The following CNTNAP2 variants were observed in gnomAD, a reference collection of about 807,000 sequenced individuals.
CNTNAP2 encodes contactin associated protein 2.
CNTNAP2 carries 98 observed loss-of-function variants against 155.2 expected under a neutral mutation model. That is an observed-to-expected ratio of 0.63 (90% confidence interval 0.54 to 0.75). CNTNAP2 has a LOEUF of 0.75. CNTNAP2 is among the 30% of genes least tolerant of loss of function. The pLI, the probability that CNTNAP2 is intolerant of heterozygous loss-of-function variation, is 0.00. For missense variants in CNTNAP2, 1,727 were observed against 1,688.1 expected, an observed-to-expected ratio of 1.02 and a Z score of -0.40; for synonymous variants, 651 against 631.2, an observed-to-expected ratio of 1.03 and a Z score of -0.47.
intron 1 of CNTNAP2, among the ~76,000 whole-genome samples, chr7:146,131,045 TC>T (rs545417770): frequency 9.1e-4 from 139 of 152,330 alleles, no homozygotes; most frequent in Non-Finnish European, 1.9e-3. Flanking sequence ...ACCATATCAA[TC>T]GCTGACTTTA....
chr7:146,411,451 C>T (rs888334341), intron 1 of CNTNAP2, among the ~76,000 whole-genome samples: 10 of 151,832 alleles, frequency 6.6e-5, no homozygotes, highest in African/African-American at 2.2e-4. Flanking sequence ...CCCCTGTGCC[C>T]GGCTAATAGA....
chr7:147,314,932 G>T (rs1479358431), intron 9 of CNTNAP2, among the ~76,000 whole-genome samples: 2 of 151,034 alleles, frequency 1.3e-5, no homozygotes, highest in East Asian at 3.9e-4. Flanking sequence ...AAGCAGACGG[G>T]TAATAACCAC....
intron 11 of CNTNAP2, among the ~76,000 whole-genome samples, chr7:147,513,156 T>C (rs1460345437): frequency 2.6e-5 from 4 of 152,176 alleles, no homozygotes; most frequent in African/African-American, 9.7e-5. Flanking sequence ...ATTATTTGTA[T>C]AATAAATGAT....
At chr7:146,991,693 G>T (rs1008182698) in intron 3 of CNTNAP2, among the ~76,000 whole-genome samples, 16 of 152,134 alleles carry the variant, frequency 1.1e-4, no homozygotes, top group African/African-American at 3.9e-4. Context: ...TAATGGTGAA[G>T]ATTATTCAAT....
chr7:146,698,961 C>T (rs1800830206), intron 1 of CNTNAP2, among the ~76,000 whole-genome samples: 1 of 152,034 alleles, frequency 6.6e-6, no homozygotes. Flanking sequence ...CTTTCTAGCA[C>T]TTCCTTTCAA....
chr7:147,484,916 A>G (rs895180834), intron 10 of CNTNAP2, among the ~76,000 whole-genome samples: 6 of 152,212 alleles, frequency 3.9e-5, no homozygotes, highest in Non-Finnish European at 8.8e-5. Context: ...GTCCTTTGTG[A>G]ATACTGGTAC....
chr7:146,236,910 GATTTTTC>G (rs1799483463), intron 1 of CNTNAP2, among the ~76,000 whole-genome samples: 1 of 152,136 alleles, frequency 6.6e-6, no homozygotes, highest in Non-Finnish European at 1.5e-5. Flanking sequence ...CAGAGGGTTA[GATTTTTC>G]ATGTTTCAGG....
chr7:148,244,866 G>A (rs1164080575), intron 20 of CNTNAP2, among the ~76,000 whole-genome samples: 1 of 146,594 alleles, frequency 6.8e-6, no homozygotes, highest in Non-Finnish European at 1.5e-5. Context: ...CCAGGCTGTT[G>A]CCTTTTTTTT....
intron 3 of CNTNAP2, among the ~76,000 whole-genome samples, chr7:146,991,990 T>C (rs1193258998): frequency 6.6e-6 from 1 of 152,158 alleles, no homozygotes; most frequent in African/African-American, 2.4e-5. Flanking sequence ...GCAAACACTA[T>C]TCATTTCAAG....
intron 20 of CNTNAP2, among the ~76,000 whole-genome samples, chr7:148,251,999 G>A (rs558732566): frequency 7.2e-5 from 11 of 152,258 alleles, no homozygotes; most frequent in African/African-American, 2.4e-4. Context: ...AGATAACCAA[G>A]CAAAGTTCTC....
In CNTNAP2 at chr7:147,652,726, G is replaced by A. The variant is rs1023780620; in HGVS notation, c.2098+13420G>A. On this transcript the variant is annotated intron_variant, in intron 13 of 23. Coordinates refer to ENST00000361727, the MANE Select transcript of CNTNAP2 (RefSeq NM_014141.6). ...TCAAGAAGTTAGAAAGGAAGGAAGG[G>A]GGGAAGAAAGGAAAGAGAAAGAAAG... Among the ~76,000 whole-genome samples the A allele has an allele frequency of 5.3e-5, 8 of 151,870 alleles. No homozygotes were observed. In the South Asian group the frequency reaches 8.3e-4, roughly 16 times the overall value.
At chr7:147,996,609 G>A (rs902518214) in intron 15 of CNTNAP2, among the ~76,000 whole-genome samples, 7 of 152,168 alleles carry the variant, frequency 4.6e-5, no homozygotes, top group African/African-American at 1.4e-4. Flanking sequence ...ACAAATGTCT[G>A]TAAAGAACTT....
intron 15 of CNTNAP2, among the ~76,000 whole-genome samples, chr7:148,040,020 T>A (rs1201695531): frequency 2.6e-5 from 4 of 152,210 alleles, no homozygotes; most frequent in African/African-American, 9.6e-5. Flanking sequence ...CTCTCTAAAT[T>A]GACCACAGAG....
chr7:148,067,719 A>T (rs915847009), intron 15 of CNTNAP2, among the ~76,000 whole-genome samples: 1 of 152,032 alleles, frequency 6.6e-6, no homozygotes, highest in Non-Finnish European at 1.5e-5. Flanking sequence ...CTCCCAAGAG[A>T]TTGTATTTTC....
chr7:148,007,382 C>T (rs1802000444), intron 15 of CNTNAP2, among the ~76,000 whole-genome samples: 1 of 152,154 alleles, frequency 6.6e-6, no homozygotes. Flanking sequence ...CTATTCTCCA[C>T]TGTAAGCAGT....
At chr7:148,091,818 T>C (rs1803847133) in intron 15 of CNTNAP2, among the ~76,000 whole-genome samples, 1 of 152,128 alleles carries the variant, frequency 6.6e-6, no homozygotes, top group Non-Finnish European at 1.5e-5. Flanking sequence ...AGCAGTGTAG[T>C]GGGAGAAGGA....
intron 11 of CNTNAP2, among the ~76,000 whole-genome samples, chr7:147,559,689 T>G (rs1349947546): frequency 1.3e-5 from 2 of 152,164 alleles, no homozygotes; most frequent in African/African-American, 4.8e-5. Flanking sequence ...AACTAGAATT[T>G]GAACCTGACA....
intron 11 of CNTNAP2, among the ~76,000 whole-genome samples, chr7:147,538,230 T>C (rs1369415208): frequency 6.6e-6 from 1 of 152,222 alleles, no homozygotes; most frequent in Non-Finnish European, 1.5e-5. Context: ...CAAATGTGGT[T>C]GTTGGTGAAT....
chr7:146,724,976 A>G (rs1801405888), intron 1 of CNTNAP2, among the ~76,000 whole-genome samples: 1 of 152,062 alleles, frequency 6.6e-6, no homozygotes, highest in Non-Finnish European at 1.5e-5. Context: ...CACAGTGTGG[A>G]GGTTAAAGTC....
Sources: gnomAD v4.1 joint callset for allele counts (sites outside exome capture counted in the v4.1 genomes callset) on GRCh38, gnomAD v4.1.1 for gene constraint, MANE v1.5 for transcripts, NCBI Gene and HGNC (gene_info 2026-07-23, HGNC 2026-07-21) for gene names.